Variants in RIMBP2 observed in about 807,000 individuals in gnomAD.
The protein encoded by RIMBP2 is RIMS binding protein 2.
In RIMBP2, 48 loss-of-function variants were observed where a neutral mutation model predicts 118.6. The observed-to-expected ratio is 0.40, with a 90% CI of 0.32 to 0.51. The LOEUF (loss-of-function observed/expected upper bound fraction) is 0.51. Ranked by LOEUF, RIMBP2 falls within the 20% of genes least tolerant of loss-of-function variation. The pLI, the probability that RIMBP2 is intolerant of heterozygous loss-of-function variation, is 0.41. For synonymous variants in RIMBP2, 762 were observed against 742.9 expected (o/e 1.03, Z -0.42); for missense variants, 1,551 against 1,768.3 (o/e 0.88, Z 2.20).
intron 2 of RIMBP2, among the ~76,000 whole-genome samples, chr12:130,574,217 A>G (rs998697352): frequency 5.3e-5 from 8 of 152,160 alleles, no homozygotes; most frequent in African/African-American, 1.9e-4. Context: ...GGCTGGAGCT[A>G]AATAAATGCA....
chr12:130,451,730 GCCTGCT>G (rs1206332961), intron 7 of RIMBP2, among the ~76,000 whole-genome samples: 57 of 151,684 alleles, frequency 3.8e-4, no homozygotes, highest in African/African-American at 1.4e-3. Context: ...TGAGGACGGC[GCCTGCT>G]CACAGCGAGA....
Position 130,541,307 on chromosome 12 carries a change from A to G in RIMBP2, c.-216-23390T>C, listed in dbSNP as rs1203603385. ...TCTACATGGACGCTTGCTTTCTGTG[A>G]TCACAGAGGGATCCCTCTAGGATTC... is the stretch of plus-strand genomic sequence containing the variant. On this transcript the variant is annotated intron_variant, in intron 2 of 22. Coordinates refer to ENST00000690449, the MANE Select transcript of RIMBP2 (RefSeq NM_001393629.1). Among the ~76,000 whole-genome samples, 12 of 152,186 alleles carry G rather than the reference A, an allele frequency of 7.9e-5. No homozygotes were observed. In the East Asian group the frequency reaches 2.3e-3, roughly 29 times the overall value.
chr12:130,445,955 C>T (rs1216704550), intron 9 of RIMBP2, among the ~76,000 whole-genome samples: 2 of 152,072 alleles, frequency 1.3e-5, no homozygotes, highest in Non-Finnish European at 1.5e-5. Flanking sequence ...AAGGCACCTA[C>T]ATTTTTAAGG....
chr12:130,449,096 G>C (rs903290636), intron 9 of RIMBP2, among the ~76,000 whole-genome samples: 3 of 152,234 alleles, frequency 2.0e-5, no homozygotes, highest in African/African-American at 7.2e-5. Flanking sequence ...GAAGGGCAGG[G>C]ATATCTGCCT....
At chr12:130,411,919 A>C (rs2075749107) in intron 19 of RIMBP2, among the ~76,000 whole-genome samples, 1 of 152,210 alleles carries the variant, frequency 6.6e-6, no homozygotes, top group South Asian at 2.1e-4. Flanking sequence ...TTTAGAAGCT[A>C]ATCAAGTTTT....
chr12:130,645,651 G>C (rs987485977), intron 1 of RIMBP2, among the ~76,000 whole-genome samples: 1 of 152,180 alleles, frequency 6.6e-6, no homozygotes, highest in Non-Finnish European at 1.5e-5. Context: ...AAGAGGAGTC[G>C]GCGTTAGCCC....
intron 17 of RIMBP2, among the ~76,000 whole-genome samples, chr12:130,417,863 A>AC (rs1262642707): frequency 1.2e-4 from 17 of 139,132 alleles, no homozygotes; most frequent in African/African-American, 4.7e-4. Context: ...TGGAGAGAGA[A>AC]TGGGAGGGGA....
intron 1 of RIMBP2, among the ~76,000 whole-genome samples, chr12:130,654,444 C>T (rs1200667374): frequency 6.6e-6 from 1 of 152,236 alleles, no homozygotes; most frequent in African/African-American, 2.4e-5. Context: ...TCATTTCCAG[C>T]TGAGACCACA....
At chr12:130,514,972 G>T (rs1593604519) in intron 3 of RIMBP2, among the ~76,000 whole-genome samples, 1 of 152,228 alleles carries the variant, frequency 6.6e-6, no homozygotes, top group South Asian at 2.1e-4. Flanking sequence ...TGCCTCCCGG[G>T]TTCATGCCAT....
At chr12:130,485,360 A>G (rs1486994544) in intron 4 of RIMBP2, among the ~76,000 whole-genome samples, 1 of 152,250 alleles carries the variant, frequency 6.6e-6, no homozygotes, top group Non-Finnish European at 1.5e-5. Flanking sequence ...GCTAAAAGCC[A>G]CAGCTGGAAC....
intron 2 of RIMBP2, among the ~76,000 whole-genome samples, chr12:130,562,634 C>A (rs2056906542): frequency 6.6e-6 from 1 of 152,222 alleles, no homozygotes; most frequent in African/African-American, 2.4e-5. Flanking sequence ...GGATCACATC[C>A]CCTATCCAGG....
chr12:130,447,219 G>A lies in RIMBP2; in HGVS notation c.582-1950C>T, dbSNP rs568559782. On this transcript the variant is annotated intron_variant, in intron 9 of 22. Coordinates refer to ENST00000690449, the MANE Select transcript of RIMBP2 (RefSeq NM_001393629.1). The surrounding 1 kb of genome is among the most constrained non-coding windows in gnomAD (Gnocchi z 4.4). ...ACCCTGAGAGCTTGAGAGGGAAGCC[G>A]CGGAGGCCAAGAGGGAAGGTGAACA... is the stretch of plus-strand genomic sequence containing the variant. 5.3e-5 allele frequency among the ~76,000 whole-genome samples: 8 copies of A among 152,126 alleles called. No individual in the cohort carries two copies. The highest frequency in any genetic ancestry group is 4.2e-4 in the South Asian group (2 of 4,776).
chr12:130,584,535 CCATCACCACCATCA>C (rs541451766), intron 2 of RIMBP2, among the ~76,000 whole-genome samples: 81 of 150,344 alleles, frequency 5.4e-4, no homozygotes, highest in Non-Finnish European at 1.0e-3. Context: ...CTCATCACCA[CCATCACCACCATCA>C]CATCACCACC....
At chr12:130,606,181 AAAAT>A (rs1215944662) in intron 2 of RIMBP2, among the ~76,000 whole-genome samples, 1 of 152,236 alleles carries the variant, frequency 6.6e-6, no homozygotes, top group Non-Finnish European at 1.5e-5. Context: ...TAAAAAATAA[AAAAT>A]AAAAAAAGAT....
chr12:130,481,998 T>C (rs1221075239), intron 4 of RIMBP2, among the ~76,000 whole-genome samples: 2 of 142,992 alleles, frequency 1.4e-5, no homozygotes, highest in East Asian at 2.4e-4. Flanking sequence ...GCTGCATACA[T>C]TGCAGGGCAT....
intron 2 of RIMBP2, among the ~76,000 whole-genome samples, chr12:130,546,204 A>G (rs1459126167): frequency 6.7e-6 from 1 of 149,938 alleles, no homozygotes; most frequent in Non-Finnish European, 1.5e-5. Context: ...CCCAGGTTCA[A>G]GTGATTCTCC....
chr12:130,441,401 AAATAATAATAATAATAATAAT>A lies in RIMBP2; in HGVS notation c.1504+426_1504+446del, dbSNP rs58605863. On this transcript the variant is annotated intron_variant, in intron 11 of 22. Transcript: ENST00000690449. ...GGGTGACAGAGCGAGACTCCATCTC[AAATAATAATAATAATAATAAT>A]AATAATAATAATAATAATAATAATA... Among the ~76,000 whole-genome samples the A allele has an allele frequency of 1.7e-3, 208 of 122,892 alleles. 1 individual carries two copies. Among genetic ancestry groups the A allele is most frequent in the African/African-American group, 5.5e-3 (193 of 34,912 alleles). 80.6% of individuals were successfully genotyped at this position (122,892 alleles called of 152,430 possible).
At chr12:130,691,646 G>A (rs1173564650) in intron 1 of RIMBP2, among the ~76,000 whole-genome samples, 1 of 152,160 alleles carries the variant, frequency 6.6e-6, no homozygotes, top group South Asian at 2.1e-4. Flanking sequence ...ACTCCAGCCT[G>A]GACAAAAGAG....
chr12:130,687,754 A>G (rs549379747), intron 1 of RIMBP2, among the ~76,000 whole-genome samples: 12 of 152,228 alleles, frequency 7.9e-5, no homozygotes, highest in Non-Finnish European at 1.6e-4. Context: ...CCATATTCAC[A>G]TATGGAAGAA....
Sources: allele counts gnomAD v4.1 joint callset (sites outside exome capture counted in the v4.1 genomes callset), GRCh38; gene constraint gnomAD v4.1.1; non-coding constraint Gnocchi (gnomAD v3.1); transcripts MANE v1.5; gene names NCBI Gene and HGNC (gene_info 2026-07-23, HGNC 2026-07-21).